Variants in GPR137B observed in about 807,000 individuals in gnomAD.
The protein encoded by GPR137B is integral membrane protein GPR137B.
GPR137B carries 42 observed loss-of-function variants against 42.5 expected under a neutral mutation model. The observed-to-expected ratio is 0.99, with a 90% CI of 0.77 to 1.28. GPR137B has a LOEUF of 1.28. Ranked by LOEUF, GPR137B falls within the 50% of genes most tolerant of loss-of-function variation. The pLI is 0.00. For synonymous variants in GPR137B, 218 were observed against 209.7 expected (o/e 1.04, Z -0.34); for missense variants, 487 against 493.9 (o/e 0.99, Z 0.13).
At chr1:236,179,093 G>A (rs539811081) in intron 3 of GPR137B, among the ~76,000 whole-genome samples, 22 of 151,752 alleles carry the variant, frequency 1.4e-4, no homozygotes, top group African/African-American at 4.4e-4. Flanking sequence ...CACCGCGCCC[G>A]CACTACTCAA....
At chr1:236,180,123 A>T in intron 4 of GPR137B, 95 bp downstream of exon 4, 1 of 930,368 alleles carries the variant, frequency 1.1e-6, no homozygotes, top group South Asian at 1.3e-5. Flanking sequence ...CAAAATCTGG[A>T]TGCTCAAGTC....
rs202145386 is a variant in GPR137B, at chr1:236,149,277, G to GA, written c.414+6243dup. Among the ~76,000 whole-genome samples the GA allele has an allele frequency of 4.0e-3, 606 of 152,286 alleles. 4 individuals carry two copies. Among genetic ancestry groups the GA allele is most frequent in the African/African-American group, 0.014 (578 of 41,544 alleles). ...AATCGCAGTGCCTGACATGAGAGCAGAAGGCACTGGGGGTCCAGCAGCCCA... is the reference window on the plus strand; with the variant it reads ...AATCGCAGTGCCTGACATGAGAGCAGAAAGGCACTGGGGGTCCAGCAGCCCA... On this transcript the variant is annotated intron_variant, in intron 1 of 6. Coordinates refer to ENST00000366592, the MANE Select transcript of GPR137B (RefSeq NM_003272.4).
chr1:236,202,498 G>A (rs948912982), intron 5 of GPR137B, among the ~76,000 whole-genome samples: 2 of 152,064 alleles, frequency 1.3e-5, no homozygotes, highest in African/African-American at 4.8e-5. Flanking sequence ...GTATGCTCCT[G>A]TGGTGGTTCC....
chr1:236,157,849 C>A (rs942837585), intron 1 of GPR137B, among the ~76,000 whole-genome samples: 69 of 152,172 alleles, frequency 4.5e-4, no homozygotes, highest in Non-Finnish European at 1.5e-4. Flanking sequence ...AGTGAAGATG[C>A]ATGAGCTAGA....
chr1:236,149,558 G>A (rs1479391526), intron 1 of GPR137B, among the ~76,000 whole-genome samples: 1 of 152,230 alleles, frequency 6.6e-6, no homozygotes, highest in Non-Finnish European at 1.5e-5. Context: ...GGAGTAAGGG[G>A]CTTCGGCTGT....
At chr1:236,158,775 A>G (rs931334210) in intron 1 of GPR137B, among the ~76,000 whole-genome samples, 7 of 152,196 alleles carry the variant, frequency 4.6e-5, no homozygotes, top group Non-Finnish European at 8.8e-5. Flanking sequence ...TGAAGTGTCC[A>G]GAGAGTGGTG....
chr1:236,180,700 C>CCTGCCT (rs940623900), intron 4 of GPR137B, among the ~76,000 whole-genome samples: 2 of 149,618 alleles, frequency 1.3e-5, no homozygotes, highest in Non-Finnish European at 3.0e-5. Context: ...AATGGCGCGA[C>CCTGCCT]CTGCCTCCCA....
Position 236,183,853 on chromosome 1 carries a change from C to T in GPR137B, c.913C>T (p.Pro305Ser). ...GGTGTTATTTGTTTGGGAACTCTTA[C>T]CTACCACCTTAGTCGTTTATTTCTT... ...GVVLFVWELL[P>S]TTLVVYFFRV... The change falls in exon 5 of 7, where the codon CCT becomes TCT. Residue 305 changes from proline to serine, a missense_variant. By Grantham distance (74) the Pro-to-Ser change is moderately conservative. Transcript: ENST00000366592. 6.2e-7 allele frequency: 1 copy of T among 1,604,968 alleles called. No homozygotes were observed. Among genetic ancestry groups the T allele is most frequent in the Non-Finnish European group, 8.5e-7 (1 of 1,171,904 alleles).
intron 1 of GPR137B, among the ~76,000 whole-genome samples, chr1:236,148,958 A>G (rs1182166989): frequency 6.6e-6 from 1 of 152,116 alleles, no homozygotes; most frequent in Non-Finnish European, 1.5e-5. Context: ...GGAGACAGAA[A>G]CTGTAATACT....
intron 2 of GPR137B, among the ~76,000 whole-genome samples, chr1:236,172,989 G>A (rs1662586906): frequency 6.6e-6 from 1 of 151,400 alleles, no homozygotes; most frequent in Non-Finnish European, 1.5e-5. Flanking sequence ...ACCATGCCTG[G>A]CATGCTTTTC....
rs1662536538 is a variant in GPR137B at position 236,171,486 on chromosome 1, G to T, written c.464+2731G>T. On this transcript the variant is annotated intron_variant, in intron 2 of 6. Transcript: ENST00000366592. The surrounding 1 kb of genome is among the most constrained non-coding windows in gnomAD (Gnocchi z 4.4). ...TATCTTGGAAGCAGTTGAGGCTGGG[G>T]TAATTAGATGTCTTCTAGAGGTGGA... 6.6e-6 allele frequency among the ~76,000 whole-genome samples: 1 copy of T among 152,186 alleles called. No homozygotes were observed. Among genetic ancestry groups the T allele is most frequent in the South Asian group, 2.1e-4 (1 of 4,830 alleles).
chr1:236,165,147 C>T (rs538145361), intron 1 of GPR137B, among the ~76,000 whole-genome samples: 23 of 152,298 alleles, frequency 1.5e-4, no homozygotes, highest in African/African-American at 4.6e-4. Flanking sequence ...TCAGGCAATC[C>T]GCCTGCCTCA....
rs1391736210 is a variant in GPR137B, at chr1:236,142,907, C to G, written c.285C>G (p.Leu95=). 1 of 1,614,134 alleles carries G rather than the reference C, an allele frequency of 6.2e-7. No homozygotes were observed. Among genetic ancestry groups the G allele is most frequent in the Non-Finnish European group, 8.5e-7 (1 of 1,180,050 alleles). The change falls in exon 1 of 7, where the codon CTC becomes CTG. Residue 95 remains leucine (L), a synonymous_variant. Coordinates refer to ENST00000366592, the MANE Select transcript of GPR137B (RefSeq NM_003272.4). ...TCTGGGCCTCCCTGCGGACCGTCCT[C>G]TTCTCCTTCTACTTCAAAGACTTCG... ...CLFWASLRTV[L]FSFYFKDFVA... is the part of the protein sequence containing the mutation.
In GPR137B at chr1:236,156,649, AAGG is replaced by A. The variant is rs1314695745; in HGVS notation, c.415-12054_415-12052del. ...GTGTGTCTTCCGGGAACCCTGCAGA[AAGG>A]AGAACTCCGGTGTCTGGATTTCGGG... is the stretch of plus-strand genomic sequence containing the variant. On this transcript the variant is annotated intron_variant, in intron 1 of 6. Transcript: ENST00000366592. The surrounding 1 kb of genome is among the most constrained non-coding windows in gnomAD (Gnocchi z 4.8). 1.3e-5 allele frequency among the ~76,000 whole-genome samples: 2 copies of A among 152,234 alleles called. No individual in the cohort carries two copies. The highest frequency in any genetic ancestry group is 2.4e-5 in the African/African-American group (1 of 41,466).
At position 236,169,182 on chromosome 1, in the gene GPR137B, A is replaced by G. The variant is rs530434380; in HGVS notation, c.464+427A>G. Among the ~76,000 whole-genome samples, 923 of 141,054 alleles carry G rather than the reference A, an allele frequency of 6.5e-3. 6 individuals are homozygous for G. The highest frequency in any genetic ancestry group is 0.029 in the African/African-American group (898 of 31,292). The allele number at this position is 141,054 out of a possible 152,430, so 92.5% of individuals were successfully genotyped here. ...CCTCCCATGCTCCCACTGCAGGTGC[A>G]GGTGCAGGTGCAGGTGCAGGTGCAG... On this transcript the variant is annotated intron_variant, in intron 2 of 6. Coordinates refer to ENST00000366592, the MANE Select transcript of GPR137B (RefSeq NM_003272.4).
rs12028570 is a variant in GPR137B, at chr1:236,163,245, G to T, written c.415-5461G>T. Among the ~76,000 whole-genome samples the T allele has an allele frequency of 5.9e-5, 9 of 152,282 alleles. No individual in the cohort carries two copies. In the East Asian group the frequency reaches 7.7e-4, roughly 13 times the overall value. ...TTGGCCACTTTCTCCCACTTGGAAC[G>T]GCTGTATTTACCCAATGCCTGTATC... is the stretch of plus-strand genomic sequence containing the variant. On this transcript the variant is annotated intron_variant, in intron 1 of 6. Transcript: ENST00000366592.
At chr1:236,193,243 A>G (rs1663243011) in intron 5 of GPR137B, among the ~76,000 whole-genome samples, 1 of 152,150 alleles carries the variant, frequency 6.6e-6, no homozygotes, top group Non-Finnish European at 1.5e-5. Context: ...AAATGATAAA[A>G]AGGACACATT....
At position 236,197,598 on chromosome 1, in the gene GPR137B, A is replaced by G. The variant is rs552173904; in HGVS notation, c.967-7528A>G. Among the ~76,000 whole-genome samples, 5 of 152,288 alleles carry G rather than the reference A, an allele frequency of 3.3e-5. No individual in the cohort carries two copies. In the East Asian group the frequency reaches 7.7e-4, roughly 23 times the overall value. The stretch of plus-strand genomic sequence containing the variant: ...GATGAGGATCCAGCTTCATTGTTCT[A>G]CATGTGGCTTGCCAATTATCCCAGC... On this transcript the variant is annotated intron_variant, in intron 5 of 6. Transcript: ENST00000366592.
intron 2 of GPR137B, among the ~76,000 whole-genome samples, chr1:236,170,161 C>T (rs1310747093): frequency 3.9e-5 from 6 of 151,980 alleles, no homozygotes; most frequent in Non-Finnish European, 7.4e-5. Flanking sequence ...CGTTTCTGCC[C>T]GGGAGAACTC....
Sources: allele counts gnomAD v4.1 joint callset (sites outside exome capture counted in the v4.1 genomes callset), GRCh38; gene constraint gnomAD v4.1.1; non-coding constraint Gnocchi (gnomAD v3.1); transcripts MANE v1.5; gene names NCBI Gene and HGNC (gene_info 2026-07-23, HGNC 2026-07-21).